Variants in NTRK2 observed in about 807,000 individuals in gnomAD.
The protein encoded by NTRK2 is neurotrophic receptor tyrosine kinase 2, also known as BDNF/NT-3 growth factors receptor.
Under a neutral mutation model 94.5 loss-of-function variants are expected in NTRK2, and 13 were observed. The observed-to-expected ratio is 0.14, with a 90% confidence interval of 0.09 to 0.22. The LOEUF is 0.22. NTRK2 is among the 10% of genes least tolerant of loss of function. The pLI, the probability that NTRK2 is intolerant of heterozygous loss-of-function variation, is 1.00. For missense variants in NTRK2, 639 were observed against 1,071.2 expected, an observed-to-expected ratio of 0.60 and a Z score of 5.63; for synonymous variants, 372 against 407.4, an observed-to-expected ratio of 0.91 and a Z score of 1.05.
chr9:84,875,129 A>T lies in NTRK2; in HGVS notation c.1633+7698A>T, dbSNP rs189434176. ...TTTCTAGTCTTGTGGATATCCTTTT[A>T]ATCTCTTGTAATATAAAGTCTGACC... is the stretch of plus-strand genomic sequence containing the variant. On this transcript the variant is annotated intron_variant, in intron 14 of 18. Transcript: ENST00000277120. The T allele has an allele frequency of 2.1e-5, 22 of 1,059,980 alleles. No individual in the cohort carries two copies. In the African/African-American group the frequency reaches 3.5e-4, roughly 17 times the overall value. 65.7% of individuals were successfully genotyped at this position (1,059,980 alleles called of 1,614,324 possible). A position where few individuals can be genotyped will look rare whatever the true frequency, so the allele number is the denominator to read the frequency against.
chr9:84,850,478 C>T (rs2074708696), intron 12 of NTRK2, among the ~76,000 whole-genome samples: 1 of 152,182 alleles, frequency 6.6e-6, no homozygotes, highest in Non-Finnish European at 1.5e-5. Context: ...GGAGCCAGGT[C>T]ATGGGGCCAG....
At chr9:84,951,274 G>A (rs938228080) in intron 16 of NTRK2, among the ~76,000 whole-genome samples, 3 of 152,138 alleles carry the variant, frequency 2.0e-5, no homozygotes, top group South Asian at 2.1e-4. Context: ...ATTATCCTAC[G>A]TCAGCAAAAT....
intron 12 of NTRK2, among the ~76,000 whole-genome samples, chr9:84,759,850 T>A (rs945932364): frequency 1.3e-5 from 2 of 152,220 alleles, no homozygotes; most frequent in Non-Finnish European, 2.9e-5. Context: ...TCCATCTCAT[T>A]CCTAACATCT....
At chr9:84,840,780 C>T (rs1267669524) in intron 12 of NTRK2, among the ~76,000 whole-genome samples, 2 of 152,166 alleles carry the variant, frequency 1.3e-5, no homozygotes, top group African/African-American at 2.4e-5. Context: ...TTTCTCCTTT[C>T]TCTTTAATTC....
At chr9:84,991,656 T>G (rs1588133705) in intron 17 of NTRK2, among the ~76,000 whole-genome samples, 1 of 152,136 alleles carries the variant, frequency 6.6e-6, no homozygotes, top group Non-Finnish European at 1.5e-5. Context: ...GTTGCCATGG[T>G]AGCGAGCCTC....
At chr9:85,012,203 G>T (rs1831688223) in intron 17 of NTRK2, among the ~76,000 whole-genome samples, 1 of 151,780 alleles carries the variant, frequency 6.6e-6, no homozygotes, top group South Asian at 2.1e-4. Context: ...TGGCCAGGAT[G>T]GTCTCGATCT....
At chr9:84,671,692 A>G (rs1401391336) in intron 2 of NTRK2, among the ~76,000 whole-genome samples, 1 of 152,264 alleles carries the variant, frequency 6.6e-6, no homozygotes, top group Non-Finnish European at 1.5e-5. Context: ...ATTTCCCAGG[A>G]CTAGGTTGGA....
chr9:84,877,620 G>A (rs2076117708), intron 14 of NTRK2: 1 of 1,065,532 alleles, frequency 9.4e-7, no homozygotes, highest in Non-Finnish European at 1.1e-6. Flanking sequence ...GCTGCGGTAG[G>A]ATAGGGAAGG....
chr9:85,014,539 A>G, intron 17 of NTRK2, among the ~76,000 whole-genome samples: 1 of 152,198 alleles, frequency 6.6e-6, no homozygotes. Context: ...CAGTCTTCCA[A>G]TTTCAAAAAA....
At chr9:84,798,075 G>C (rs1367475464) in intron 12 of NTRK2, among the ~76,000 whole-genome samples, 3 of 150,922 alleles carry the variant, frequency 2.0e-5, no homozygotes, top group Non-Finnish European at 4.4e-5. Context: ...ATTTTTCACA[G>C]TCCTGGAGGC....
chr9:84,814,073 G>T (rs1443188526), intron 12 of NTRK2: 3 of 1,065,092 alleles, frequency 2.8e-6, no homozygotes, highest in East Asian at 5.0e-5. Flanking sequence ...TGATTCAGGG[G>T]TTTTCTCTCC....
chr9:84,846,024 G>T (rs548686453), intron 12 of NTRK2, among the ~76,000 whole-genome samples: 1 of 152,146 alleles, frequency 6.6e-6, no homozygotes, highest in South Asian at 2.1e-4. Context: ...CCCAAAAATG[G>T]CTCTTATAAT....
intron 12 of NTRK2, among the ~76,000 whole-genome samples, chr9:84,847,454 A>G (rs1300795347): frequency 6.6e-6 from 1 of 152,190 alleles, no homozygotes; most frequent in Non-Finnish European, 1.5e-5. Context: ...AGGCCCAAAC[A>G]CTGTGGCCAG....
intron 5 of NTRK2, among the ~76,000 whole-genome samples, chr9:84,710,216 T>C (rs1408217932): frequency 6.6e-6 from 1 of 152,236 alleles, no homozygotes; most frequent in Non-Finnish European, 1.5e-5. Context: ...GCTTAGAAAG[T>C]GGTAACACTT....
At chr9:84,976,877 A>G (rs191151194) in intron 17 of NTRK2, among the ~76,000 whole-genome samples, 1 of 152,324 alleles carries the variant, frequency 6.6e-6, no homozygotes, top group East Asian at 1.9e-4. Context: ...TCATCTATAA[A>G]TCCATATGAT....
intron 12 of NTRK2, among the ~76,000 whole-genome samples, chr9:84,831,904 G>C (rs1215798189): frequency 6.6e-6 from 1 of 152,176 alleles, no homozygotes; most frequent in Non-Finnish European, 1.5e-5. Context: ...TCTAAAAAAG[G>C]CAAGATATTT....
intron 12 of NTRK2, among the ~76,000 whole-genome samples, chr9:84,804,524 GATT>G (rs1285426797): frequency 6.6e-6 from 1 of 152,204 alleles, no homozygotes; most frequent in Non-Finnish European, 1.5e-5. Context: ...GGTTCTTGCA[GATT>G]TTATATAGTT....
At chr9:84,805,176 T>C (rs1396159687) in intron 12 of NTRK2, among the ~76,000 whole-genome samples, 3 of 152,234 alleles carry the variant, frequency 2.0e-5, no homozygotes, top group African/African-American at 4.8e-5. Context: ...TTGGCTTTCC[T>C]TACAAATTCC....
At chr9:84,669,426 A>C (rs1227673028), upstream of NTRK2, 1 of 152,602 alleles carries the variant, frequency 6.6e-6, no homozygotes, top group Non-Finnish European at 1.5e-5. This position sits in a 1 kb window ranked among gnomAD's most constrained non-coding sequence, Gnocchi z 4.1. Flanking sequence ...TCTTAGAGGT[A>C]CCTGGATGTA....
Sources: allele counts gnomAD v4.1 joint callset (sites outside exome capture counted in the v4.1 genomes callset), GRCh38; gene constraint gnomAD v4.1.1; non-coding constraint Gnocchi (gnomAD v3.1); transcripts MANE v1.5; gene names NCBI Gene and HGNC (gene_info 2026-07-23, HGNC 2026-07-21).